The following KIAA1549L variants were observed in gnomAD, a reference collection of about 807,000 sequenced individuals.
KIAA1549L encodes UPF0606 protein KIAA1549L.
Under a neutral mutation model 160.7 loss-of-function variants are expected in KIAA1549L, and 88 were observed. The observed-to-expected ratio is 0.55, with a 90% CI of 0.46 to 0.65. The LOEUF is 0.65. KIAA1549L is among the 30% of genes least tolerant of loss of function. The pLI is 0.00. For synonymous variants in KIAA1549L, 950 were observed against 976.7 expected, an observed-to-expected ratio of 0.97 and a Z score of 0.51; for missense variants, 2,258 against 2,437.5, an observed-to-expected ratio of 0.93 and a Z score of 1.55.
At chr11:33,426,162 TC>T (rs1851111453) in intron 1 of KIAA1549L, among the ~76,000 whole-genome samples, 1 of 152,184 alleles carries the variant, frequency 6.6e-6, no homozygotes, top group Non-Finnish European at 1.5e-5. Context: ...AGTGTTATAT[TC>T]TTGGTTTTGG....
chr11:33,396,128 C>A (rs1850368547), intron 1 of KIAA1549L, among the ~76,000 whole-genome samples: 1 of 152,072 alleles, frequency 6.6e-6, no homozygotes, highest in South Asian at 2.1e-4. Flanking sequence ...AAAGACCTCA[C>A]CTAGAGCAAC....
chr11:33,630,273 G>T (rs1433038333), intron 16 of KIAA1549L, among the ~76,000 whole-genome samples: 1 of 152,258 alleles, frequency 6.6e-6, no homozygotes, highest in African/African-American at 2.4e-5. Context: ...GCCTGCAGAG[G>T]CAGGCAGGCC....
At chr11:33,508,655 G>T (rs1451233871) in intron 1 of KIAA1549L, among the ~76,000 whole-genome samples, 1 of 152,142 alleles carries the variant, frequency 6.6e-6, no homozygotes, top group Admixed American at 6.5e-5. Flanking sequence ...CTTGTTCTCA[G>T]CCCCGTCTTC....
chr11:33,575,173 G>C (rs1287486454), intron 10 of KIAA1549L, among the ~76,000 whole-genome samples: 1 of 152,246 alleles, frequency 6.6e-6, no homozygotes, highest in East Asian at 1.9e-4. Context: ...TTGTATGCCA[G>C]GGGAATTAAA....
intron 1 of KIAA1549L, among the ~76,000 whole-genome samples, chr11:33,452,092 CT>C (rs974456957): frequency 6.6e-6 from 1 of 152,132 alleles, no homozygotes; most frequent in Non-Finnish European, 1.5e-5. Flanking sequence ...GAGAAGATGC[CT>C]TTTAGTTAAA....
At chr11:33,530,004 A>G (rs890822931) in intron 1 of KIAA1549L, among the ~76,000 whole-genome samples, 3 of 152,100 alleles carry the variant, frequency 2.0e-5, no homozygotes, top group Non-Finnish European at 2.9e-5. Context: ...TTTTAAAGGT[A>G]TGGTATTTTC....
intron 1 of KIAA1549L, among the ~76,000 whole-genome samples, chr11:33,453,022 G>A (rs912265357): frequency 1.3e-5 from 2 of 152,206 alleles, no homozygotes; most frequent in Non-Finnish European, 2.9e-5. Context: ...AATCTTTCCA[G>A]CCAGACTTAG....
At chr11:33,486,757 A>T (rs898222311) in intron 1 of KIAA1549L, among the ~76,000 whole-genome samples, 6 of 152,162 alleles carry the variant, frequency 3.9e-5, no homozygotes, top group African/African-American at 1.4e-4. Context: ...TTAAAAAAAA[A>T]ATCTATGAAT....
At chr11:33,461,374 G>C (rs1851939164) in intron 1 of KIAA1549L, among the ~76,000 whole-genome samples, 1 of 152,188 alleles carries the variant, frequency 6.6e-6, no homozygotes, top group Non-Finnish European at 1.5e-5. Flanking sequence ...CGGGGACACA[G>C]AGGTTAACCA....
intron 1 of KIAA1549L, among the ~76,000 whole-genome samples, chr11:33,502,615 G>A (rs1434147453): frequency 2.0e-5 from 3 of 152,174 alleles, no homozygotes; most frequent in Non-Finnish European, 4.4e-5. Flanking sequence ...CACTTTAAGT[G>A]TTACAGAAGC....
At chr11:33,457,597 G>T (rs1851855845) in intron 1 of KIAA1549L, among the ~76,000 whole-genome samples, 1 of 152,270 alleles carries the variant, frequency 6.6e-6, no homozygotes, top group Non-Finnish European at 1.5e-5. Context: ...TGGGAGAAAA[G>T]ACTGAAATAT....
At chr11:33,421,149 A>G (rs1851001794) in intron 1 of KIAA1549L, among the ~76,000 whole-genome samples, 1 of 151,988 alleles carries the variant, frequency 6.6e-6, no homozygotes, top group African/African-American at 2.4e-5. Context: ...TCACAGGCAC[A>G]GAAAGCCCTG....
chr11:33,490,327 T>TC (rs1443518349), intron 1 of KIAA1549L, among the ~76,000 whole-genome samples: 1 of 150,088 alleles, frequency 6.7e-6, no homozygotes, highest in East Asian at 1.9e-4. Context: ...TTTACCTCTT[T>TC]TTTTTTTTTT....
intron 1 of KIAA1549L, among the ~76,000 whole-genome samples, chr11:33,481,248 C>T (rs780390516): frequency 8.6e-5 from 13 of 151,990 alleles, no homozygotes; most frequent in East Asian, 3.9e-4. Flanking sequence ...TTATGTTTGT[C>T]GTATTTTGAT....
intron 6 of KIAA1549L, among the ~76,000 whole-genome samples, chr11:33,553,418 C>T (rs1398136383): frequency 6.6e-6 from 1 of 151,926 alleles, no homozygotes; most frequent in African/African-American, 2.4e-5. Context: ...TCTGTTTTGA[C>T]TACTGAACTA....
chr11:33,662,142 C>T (rs145779952), intron 20 of KIAA1549L, among the ~76,000 whole-genome samples: 1 of 152,294 alleles, frequency 6.6e-6, no homozygotes, highest in African/African-American at 2.4e-5. Flanking sequence ...GATGAACTCT[C>T]ATGGCTTGTA....
At chr11:33,658,400 G>T (rs1462471618) in intron 18 of KIAA1549L, among the ~76,000 whole-genome samples, 2 of 152,146 alleles carry the variant, frequency 1.3e-5, no homozygotes, top group African/African-American at 4.8e-5. Flanking sequence ...CCCCTGGGTC[G>T]ACCATCCCCA....
chr11:33,615,158 A>G (rs1423850223), intron 15 of KIAA1549L, among the ~76,000 whole-genome samples: 2 of 151,972 alleles, frequency 1.3e-5, no homozygotes, highest in African/African-American at 4.8e-5. Flanking sequence ...TTACACTCAA[A>G]TCATTCTAGA....
At chr11:33,630,161 G>C (rs1851239581) in intron 16 of KIAA1549L, among the ~76,000 whole-genome samples, 1 of 151,754 alleles carries the variant, frequency 6.6e-6, no homozygotes, top group Admixed American at 6.5e-5. Context: ...CTGCATGCTG[G>C]GAGGACCACA....
Sources: gnomAD v4.1 joint callset for allele counts (sites outside exome capture counted in the v4.1 genomes callset) on GRCh38, gnomAD v4.1.1 for gene constraint, MANE v1.5 for transcripts, NCBI Gene and HGNC (gene_info 2026-07-23, HGNC 2026-07-21) for gene names.